The following SLC22A23 variants were observed in gnomAD, a reference collection of about 807,000 sequenced individuals.
SLC22A23 encodes the protein ion transporter protein.
In SLC22A23, 26 loss-of-function variants were observed where a neutral mutation model predicts 61.0. The ratio of observed to expected loss-of-function variants is 0.43; its 90% confidence interval spans 0.31 to 0.59. SLC22A23 has a LOEUF of 0.59. Ranked by LOEUF, SLC22A23 falls within the 20% of genes least tolerant of loss-of-function variation. The pLI is 0.11. For missense variants in SLC22A23, 796 were observed against 934.7 expected (o/e 0.85, Z 1.94); for synonymous variants, 430 against 413.9 (o/e 1.04, Z -0.47).
At position 3,289,820 on chromosome 6, in the gene SLC22A23, C is replaced by A; in HGVS notation, c.1257G>T (p.Val419=). The A allele has an allele frequency of 6.2e-7, 1 of 1,614,056 alleles. No individual in the cohort carries two copies. Among genetic ancestry groups the A allele is most frequent in the African/African-American group, 1.3e-5 (1 of 75,044 alleles). The change falls in exon 6 of 10, where the codon GTG becomes GTT. Residue 419 remains valine (V), a synonymous_variant. Transcript: ENST00000406686. ...ACAGGTTCCGTGTCCCCACCACCTT[C>A]ACGATGCAGACCTTCTTGGGCCTCC... ...LSRRPKKVCI[V]KVVGTRNLWK...
chr6:3,455,933 G>C lies in SLC22A23; in HGVS notation c.627C>G (p.Ala209=). The stretch of plus-strand genomic sequence containing the variant: ...TGCTGACCACGTTCTGGACGAGGCC[G>C]GCGCGGATGCCGTAGTCCCATGCGC... ...DCRAWDYGIR[A]GLVQNVVSKW... is the part of the protein sequence containing the mutation. The change falls in exon 1 of 10, where the codon GCC becomes GCG. Residue 209 remains alanine (A), a synonymous_variant. Coordinates refer to ENST00000406686, the MANE Select transcript of SLC22A23 (RefSeq NM_015482.2). 2.0e-6 allele frequency: 3 copies of C among 1,519,600 alleles called. No homozygotes were observed. The highest frequency in any genetic ancestry group is 2.7e-6 in the Non-Finnish European group (3 of 1,127,016). 94.1% of individuals were successfully genotyped at this position (1,519,600 alleles called of 1,614,324 possible). A position where few individuals can be genotyped will look rare whatever the true frequency, so the allele number is the denominator to read the frequency against.
intron 9 of SLC22A23, among the ~76,000 whole-genome samples, chr6:3,280,472 G>A (rs373881294): frequency 1.3e-4 from 1 of 7,730 alleles, no homozygotes. Context: ...TTTCAGATGT[G>A]ACATTTTTAA....
chr6:3,428,261 G>T (rs561239373), intron 1 of SLC22A23, among the ~76,000 whole-genome samples: 2 of 152,168 alleles, frequency 1.3e-5, no homozygotes, highest in African/African-American at 4.8e-5. Flanking sequence ...AGACCTTCCT[G>T]CCCCTCCTCA....
intron 5 of SLC22A23, among the ~76,000 whole-genome samples, chr6:3,293,343 G>A (rs1581629918): frequency 6.6e-6 from 1 of 152,316 alleles, no homozygotes; most frequent in East Asian, 1.9e-4. Context: ...CAAGGAGGCA[G>A]CCCTGAGCCC....
At chr6:3,344,763 A>G (rs1185914108) in intron 3 of SLC22A23, among the ~76,000 whole-genome samples, 1 of 152,242 alleles carries the variant, frequency 6.6e-6, no homozygotes, top group Non-Finnish European at 1.5e-5. Context: ...TCAGTATCAC[A>G]TTTTGGTCCT....
At chr6:3,362,443 T>TAAAAAAAAAAAAAAAAAAAAAAA (rs1765538891) in intron 3 of SLC22A23, among the ~76,000 whole-genome samples, 1 of 110,682 alleles carries the variant, frequency 9.0e-6, no homozygotes, top group Non-Finnish European at 1.9e-5. Context: ...AAATAAAAAT[T>TAAAAAAAAAAAAAAAAAAAAAAA]AGCATGCATT....
chr6:3,375,627 C>T (rs1316281138), intron 3 of SLC22A23, among the ~76,000 whole-genome samples: 1 of 152,156 alleles, frequency 6.6e-6, no homozygotes, highest in East Asian at 1.9e-4. Flanking sequence ...TCTCTCTCAC[C>T]ACAGAGGGGA....
At chr6:3,355,499 C>T (rs1765016726) in intron 3 of SLC22A23, among the ~76,000 whole-genome samples, 1 of 152,086 alleles carries the variant, frequency 6.6e-6, no homozygotes. Context: ...GATATTTTCC[C>T]TCTTACCATG....
chr6:3,302,987 A>T (rs1368383190), intron 4 of SLC22A23: 2 of 152,350 alleles, frequency 1.3e-5, no homozygotes, highest in Admixed American at 1.3e-4. Flanking sequence ...TCTAGAATAT[A>T]TGAGGAACTC....
rs1763662498 is a variant in SLC22A23 at position 3,333,016 on chromosome 6, G to C, written c.914-9014C>G. Among the ~76,000 whole-genome samples the C allele has an allele frequency of 6.6e-6, 1 of 152,174 alleles. No homozygotes were observed. On this transcript the variant is annotated intron_variant, in intron 3 of 9. Transcript: ENST00000406686. The surrounding 1 kb of genome is among the most constrained non-coding windows in gnomAD (Gnocchi z 4.1). ...CAGGTTTTTGGAAGAGCGTATCGCA[G>C]CTGGTGCCTGTGCGTCACGGTGCTG...
intron 8 of SLC22A23, chr6:3,284,858 G>T: frequency 6.6e-7 from 1 of 1,512,308 alleles, no homozygotes; most frequent in Non-Finnish European, 8.9e-7. Context: ...GTGCCAAGCA[G>T]CACACAAACA....
chr6:3,380,838 G>A (rs567464561), intron 3 of SLC22A23, among the ~76,000 whole-genome samples: 1 of 152,158 alleles, frequency 6.6e-6, no homozygotes, highest in East Asian at 1.9e-4. Context: ...GTCACGTGGG[G>A]ATGCAGGCTG....
At chr6:3,378,983 G>A (rs1766782992) in intron 3 of SLC22A23, among the ~76,000 whole-genome samples, 1 of 152,156 alleles carries the variant, frequency 6.6e-6, no homozygotes. Flanking sequence ...TAACATGAAG[G>A]AGGAGCTGAA....
chr6:3,423,048 CT>C (rs1258968132), intron 1 of SLC22A23, among the ~76,000 whole-genome samples: 2 of 150,118 alleles, frequency 1.3e-5, no homozygotes, highest in Admixed American at 6.6e-5. Context: ...TTTTTTTTGT[CT>C]TTTTTTCTTC....
rs901377182 is a variant in SLC22A23, at chr6:3,322,213, C to T, written c.1082+1621G>A. 3.9e-5 allele frequency among the ~76,000 whole-genome samples: 6 copies of T among 152,118 alleles called. No individual in the cohort carries two copies. Among genetic ancestry groups the T allele is most frequent in the African/African-American group, 1.4e-4 (6 of 41,424 alleles). On this transcript the variant is annotated intron_variant, in intron 4 of 9. Coordinates refer to ENST00000406686, the MANE Select transcript of SLC22A23 (RefSeq NM_015482.2). This position sits in a 1 kb window ranked among gnomAD's most constrained non-coding sequence, Gnocchi z 4.1. ...GGGCTGCTGAGATATGAGGGTGGAA[C>T]CATTTACTATTGCAAAGTGCTTGTC... is the stretch of plus-strand genomic sequence containing the variant.
intron 2 of SLC22A23, 83 bp downstream of exon 2, chr6:3,415,669 G>A (rs1489343746): frequency 5.1e-6 from 5 of 971,434 alleles, no homozygotes; most frequent in South Asian, 1.5e-5. Context: ...GTCATGGTAA[G>A]CTAACACTGA....
intron 3 of SLC22A23, among the ~76,000 whole-genome samples, chr6:3,338,182 T>C (rs1763961427): frequency 6.6e-6 from 1 of 152,214 alleles, no homozygotes; most frequent in Non-Finnish European, 1.5e-5. Context: ...TCTCAAATCA[T>C]GTATTGCTTT....
At chr6:3,348,237 G>A (rs1246469417) in intron 3 of SLC22A23, among the ~76,000 whole-genome samples, 2 of 152,264 alleles carry the variant, frequency 1.3e-5, no homozygotes, top group Non-Finnish European at 2.9e-5. Context: ...ATGTGGGGAT[G>A]TGGGGAAGTG....
intron 3 of SLC22A23, among the ~76,000 whole-genome samples, chr6:3,338,145 C>G (rs1032399215): frequency 3.3e-5 from 5 of 152,180 alleles, no homozygotes; most frequent in Admixed American, 6.5e-5. Context: ...CCTAGAAGCC[C>G]GAAGCCTTTT....
Sources: allele counts gnomAD v4.1 joint callset (sites outside exome capture counted in the v4.1 genomes callset), GRCh38; gene constraint gnomAD v4.1.1; non-coding constraint Gnocchi (gnomAD v3.1); transcripts MANE v1.5; gene names NCBI Gene and HGNC (gene_info 2026-07-23, HGNC 2026-07-21).